Variants in LCA5L observed in about 807,000 individuals in gnomAD.
LCA5L encodes lebercilin LCA5 like.
Under a neutral mutation model 45.4 loss-of-function variants are expected in LCA5L, and 35 were observed. The ratio of observed to expected loss-of-function variants is 0.77; its 90% CI spans 0.59 to 1.02. The LOEUF is 1.02. Among genes scored for constraint, LCA5L ranks in the 50% least tolerant of loss-of-function variants. The pLI is 0.00. For synonymous variants in LCA5L, 233 were observed against 264.7 expected (o/e 0.88, Z 1.16); for missense variants, 668 against 761.6 (o/e 0.88, Z 1.45).
intron 7 of LCA5L, among the ~76,000 whole-genome samples, chr21:39,417,804 C>A (rs8132466): frequency 5.3e-5 from 8 of 151,702 alleles, no homozygotes; most frequent in African/African-American, 1.9e-4. Flanking sequence ...CTCGCTCTGT[C>A]GCCCAGGCTG....
At chr21:39,415,277 T>G (rs1394193551) in intron 7 of LCA5L, among the ~76,000 whole-genome samples, 3 of 152,208 alleles carry the variant, frequency 2.0e-5, no homozygotes, top group African/African-American at 7.2e-5. Flanking sequence ...TGAGGCCACC[T>G]TCTTGATCTA....
chr21:39,417,926 T>C (rs962229510), intron 7 of LCA5L, among the ~76,000 whole-genome samples: 8 of 152,056 alleles, frequency 5.3e-5, no homozygotes, highest in South Asian at 2.1e-4. Context: ...CCACCATGCC[T>C]GGTTAATTTT....
chr21:39,414,531 C>T (rs1164641539), intron 7 of LCA5L, among the ~76,000 whole-genome samples: 1 of 152,140 alleles, frequency 6.6e-6, no homozygotes, highest in Non-Finnish European at 1.5e-5. Context: ...TCCTAGAATT[C>T]CCACGACAAG....
chr21:39,417,790 G>C (rs2041497961), intron 7 of LCA5L, among the ~76,000 whole-genome samples: 1 of 151,754 alleles, frequency 6.6e-6, no homozygotes, highest in South Asian at 2.1e-4. Flanking sequence ...TTTTGAGATG[G>C]AGTCTCGCTC....
chr21:39,425,927 G>A (rs372619891), intron 5 of LCA5L: 83 of 152,496 alleles, frequency 5.4e-4, no homozygotes, highest in African/African-American at 1.9e-3. Flanking sequence ...ATGGCCACAG[G>A]AGCTCTGGCC....
At chr21:39,434,365 GTACTTT>G (rs2076087029) in intron 3 of LCA5L, among the ~76,000 whole-genome samples, 1 of 152,100 alleles carries the variant, frequency 6.6e-6, no homozygotes, top group Non-Finnish European at 1.5e-5. Flanking sequence ...GCCTATAACT[GTACTTT>G]TAAGTTGATT....
rs1319186407 is a variant in LCA5L, at chr21:39,406,084, C to G, written c.1811G>C (p.Gly604Ala). Residue 604 changes from glycine (G) to alanine (A), a missense_variant, in exon 11 of 11, where the codon GGA becomes GCA. By Grantham distance (60) the Gly-to-Ala change is moderately conservative. Coordinates refer to ENST00000288350, the MANE Select transcript of LCA5L (RefSeq NM_152505.4). Reference sequence around the variant, plus strand: ...GTCAGTTTTCAAGACATAGCCTGATCCAAAGAGTTCTTCCATGAGACTGCT... The same window carrying G: ...GTCAGTTTTCAAGACATAGCCTGATGCAAAGAGTTCTTCCATGAGACTGCT... The part of the protein sequence containing the change: ...KKSSLMEELF[G>A]SGYVLKTDQS... The G allele has an allele frequency of 1.2e-6, 2 of 1,614,176 alleles. No individual in the cohort carries two copies. Among genetic ancestry groups the G allele is most frequent in the Non-Finnish European group, 1.7e-6 (2 of 1,180,020 alleles).
In LCA5L at chr21:39,417,359, G is replaced by A. The variant is rs375114501; in HGVS notation, c.975+3347C>T. Among the ~76,000 whole-genome samples, 360 of 152,112 alleles carry A rather than the reference G, an allele frequency of 2.4e-3. 4 individuals carry two copies. The highest frequency in any genetic ancestry group is 8.2e-3 in the African/African-American group (339 of 41,504). On this transcript the variant is annotated intron_variant, in intron 7 of 10. Transcript: ENST00000288350. Reference sequence around the variant, plus strand: ...CCAGCTGCTTTTTAGTTTTTTTTACGTTTAATTCTGCTTTGTACTTATGGA... The same window carrying A: ...CCAGCTGCTTTTTAGTTTTTTTTACATTTAATTCTGCTTTGTACTTATGGA...
chr21:39,440,125 G>A (rs1457057804), intron 2 of LCA5L, among the ~76,000 whole-genome samples: 1 of 152,146 alleles, frequency 6.6e-6, no homozygotes, highest in East Asian at 1.9e-4. Context: ...TCTGCTGAGA[G>A]GGCCTAGAAT....
chr21:39,418,663 C>T (rs1200581023), intron 7 of LCA5L, among the ~76,000 whole-genome samples: 1 of 152,012 alleles, frequency 6.6e-6, no homozygotes, highest in Non-Finnish European at 1.5e-5. Context: ...CCATGCCAAG[C>T]TAATTTTTGT....
At chr21:39,420,887 A>T in intron 6 of LCA5L, 44 bp from the exon 7 acceptor site, 1 of 1,515,190 alleles carries the variant, frequency 6.6e-7, no homozygotes, top group Non-Finnish European at 9.1e-7. Context: ...CCAAGTTAGT[A>T]TGTTAAAAAC....
chr21:39,445,504 G>A (rs13051142), intron 1 of LCA5L: 78,145 of 152,296 alleles, frequency 0.51, 20,432 homozygotes, highest in East Asian at 0.67. Flanking sequence ...GTGTCGCCGG[G>A]GCGCCCGGTC....
chr21:39,406,232 T>C lies in LCA5L; in HGVS notation c.1663A>G (p.Thr555Ala). Reference sequence around the variant, plus strand: ...TCTCTGTTACTGAGATGCTTGCCTGTACTATGACTGTACCTCATGTTGCCG... The same window carrying C: ...TCTCTGTTACTGAGATGCTTGCCTGCACTATGACTGTACCTCATGTTGCCG... Reference protein sequence around the residue: ...NAGNMRYSHSTGKHLSNREEM... With the variant: ...NAGNMRYSHSAGKHLSNREEM... Residue 555 changes from threonine to alanine, a missense_variant, in exon 11 of 11, where the codon ACA (threonine) becomes GCA (alanine). Physicochemically the swap from Thr to Ala is moderately conservative, Grantham distance 58 (BLOSUM62 0). Coordinates refer to ENST00000288350, the MANE Select transcript of LCA5L (RefSeq NM_152505.4). The C allele has an allele frequency of 6.2e-7, 1 of 1,614,254 alleles. No homozygotes were observed. The highest frequency in any genetic ancestry group is 8.5e-7 in the Non-Finnish European group (1 of 1,180,048).
At chr21:39,406,715 C>T in intron 10 of LCA5L, 103 bp from the exon 11 acceptor site, 1 of 850,572 alleles carries the variant, frequency 1.2e-6, no homozygotes. Context: ...CACAAGCACA[C>T]TGAAATGACA....
At chr21:39,418,566 T>C (rs897968112) in intron 7 of LCA5L, among the ~76,000 whole-genome samples, 12 of 152,120 alleles carry the variant, frequency 7.9e-5, no homozygotes, top group African/African-American at 1.9e-4. Flanking sequence ...AGTGGCACAA[T>C]CTTGGCTCAC....
At chr21:39,419,223 C>T (rs573054019) in intron 7 of LCA5L, among the ~76,000 whole-genome samples, 3 of 152,082 alleles carry the variant, frequency 2.0e-5, no homozygotes, top group East Asian at 3.9e-4. Flanking sequence ...GCCTAATTGT[C>T]ACAAAAAAGT....
At chr21:39,422,700 T>A (rs901671820) in intron 6 of LCA5L, 2 of 521,350 alleles carry the variant, frequency 3.8e-6, no homozygotes, top group Non-Finnish European at 6.7e-6. Flanking sequence ...CTGTGCTCTC[T>A]TAGAGAATGG....
Position 39,423,353 on chromosome 21 carries a change from G to C in LCA5L, c.460C>G (p.Leu154Val), listed in dbSNP as rs2074068131. Residue 154 changes from leucine (L) to valine (V), a missense_variant, in exon 6 of 11, where the codon CTA (leucine) becomes GTA (valine). Leu to Val is a conservative substitution (Grantham distance 32). Coordinates refer to ENST00000288350, the MANE Select transcript of LCA5L (RefSeq NM_152505.4). ...TGCATATCAGCTAATTCATTTTTTA[G>C]TCCTTTAATTTTATGAAGCCTTGCT... The part of the protein sequence containing the change: ...LSARLHKIKG[L>V]KNELADMHHK... 1.2e-6 allele frequency: 2 copies of C among 1,612,552 alleles called. No individual in the cohort carries two copies. Among genetic ancestry groups the C allele is most frequent in the Non-Finnish European group, 1.7e-6 (2 of 1,179,834 alleles).
chr21:39,421,085 T>G (rs938666778), intron 6 of LCA5L, among the ~76,000 whole-genome samples: 3 of 151,832 alleles, frequency 2.0e-5, no homozygotes, highest in African/African-American at 7.3e-5. Flanking sequence ...TACTCTAAAA[T>G]TTGATTTAAC....
Sources: gnomAD v4.1 joint callset for allele counts (sites outside exome capture counted in the v4.1 genomes callset) on GRCh38, gnomAD v4.1.1 for gene constraint, MANE v1.5 for transcripts, NCBI Gene and HGNC (gene_info 2026-07-23, HGNC 2026-07-21) for gene names.